Variants in ZNRF1 observed in about 807,000 individuals in gnomAD.
ZNRF1 encodes E3 ubiquitin-protein ligase ZNRF1.
Under a neutral mutation model 18.4 loss-of-function variants are expected in ZNRF1, and 3 were observed. The observed-to-expected ratio is 0.16, with a 90% confidence interval of 0.07 to 0.42. The LOEUF (loss-of-function observed/expected upper bound fraction) is 0.42. Ranked by LOEUF, ZNRF1 falls within the 10% of genes least tolerant of loss-of-function variation. ZNRF1 has a pLI of 0.99. For missense variants in ZNRF1, 310 were observed against 329.8 expected (o/e 0.94, Z 0.47); for synonymous variants, 157 against 144.2 (o/e 1.09, Z -0.64).
intron 1 of ZNRF1, among the ~76,000 whole-genome samples, chr16:75,056,569 T>C (rs1419200694): frequency 6.6e-6 from 1 of 152,168 alleles, no homozygotes; most frequent in Non-Finnish European, 1.5e-5. Context: ...TTCACAAGTA[T>C]CATGATGTGA....
intron 3 of ZNRF1, chr16:75,105,742 G>T (rs1251826641): frequency 6.6e-6 from 1 of 152,260 alleles, no homozygotes; most frequent in Non-Finnish European, 1.5e-5. Flanking sequence ...CCCTCGGGGA[G>T]AATTATGCCA....
At chr16:75,013,468 T>C (rs1185289483) in intron 1 of ZNRF1, among the ~76,000 whole-genome samples, 13 of 151,976 alleles carry the variant, frequency 8.6e-5, no homozygotes. Flanking sequence ...TGCCTCAGCC[T>C]CCCGAGTAGC....
intron 1 of ZNRF1, among the ~76,000 whole-genome samples, chr16:75,061,568 CGT>C (rs1295563460): frequency 1.3e-5 from 2 of 151,198 alleles, no homozygotes; most frequent in Non-Finnish European, 2.9e-5. Flanking sequence ...GGATCTCACT[CGT>C]TTTTATGGGT....
At chr16:75,030,672 A>C (rs1245619210) in intron 1 of ZNRF1, among the ~76,000 whole-genome samples, 1 of 152,092 alleles carries the variant, frequency 6.6e-6, no homozygotes, top group Non-Finnish European at 1.5e-5. Context: ...CCCCTACCCA[A>C]GACAACCACT....
intron 2 of ZNRF1, 52 bp from the exon 3 acceptor site, chr16:75,104,732 A>T: frequency 6.6e-7 from 1 of 1,512,058 alleles, no homozygotes; most frequent in Non-Finnish European, 9.0e-7. Flanking sequence ...GCCCCATGCC[A>T]CCTGTCCACT....
intron 1 of ZNRF1, among the ~76,000 whole-genome samples, chr16:75,047,428 G>A (rs115024901): frequency 2.9e-3 from 443 of 152,328 alleles, no homozygotes; most frequent in African/African-American, 0.01. Context: ...CCAGAGAGTC[G>A]GGATTACAAG....
At chr16:75,092,150 T>A (rs775782320) in intron 1 of ZNRF1, among the ~76,000 whole-genome samples, 25 of 151,850 alleles carry the variant, frequency 1.6e-4, no homozygotes, top group Middle Eastern at 3.2e-3. Flanking sequence ...AAGAAAAAAA[T>A]TTTTAATAAC....
intron 2 of ZNRF1, among the ~76,000 whole-genome samples, chr16:75,097,662 A>G (rs1444136392): frequency 2.0e-5 from 3 of 152,150 alleles, no homozygotes; most frequent in Admixed American, 1.3e-4. Context: ...TACTAAAAAC[A>G]AAAAATTTGT....
At chr16:75,015,523 C>T (rs1163123991) in intron 1 of ZNRF1, among the ~76,000 whole-genome samples, 1 of 152,068 alleles carries the variant, frequency 6.6e-6, no homozygotes, top group East Asian at 1.9e-4. Context: ...CGTGGTGAGC[C>T]GAGATTGCAC....
At chr16:75,095,492 A>C in intron 2 of ZNRF1, 1 of 1,247,386 alleles carries the variant, frequency 8.0e-7, no homozygotes, top group Non-Finnish European at 1.1e-6. Flanking sequence ...CCATGGCCTC[A>C]AAAACCCTAT....
chr16:75,068,385 AC>A (rs2035829521), intron 1 of ZNRF1, among the ~76,000 whole-genome samples: 1 of 151,334 alleles, frequency 6.6e-6, no homozygotes, highest in Non-Finnish European at 1.5e-5. Context: ...GAACCAGTTA[AC>A]CCTGGCCTGG....
chr16:75,019,703 T>TTTTTGTTTTGTTTTG (rs1300301077), intron 1 of ZNRF1, among the ~76,000 whole-genome samples: 1 of 152,056 alleles, frequency 6.6e-6, no homozygotes, highest in African/African-American at 2.4e-5. Context: ...CAACTTTTGA[T>TTTTTGTTTTGTTTTG]TTTTGTTTTG....
intron 4 of ZNRF1, 41 bp from the exon 5 acceptor site, chr16:75,107,692 C>G (rs763203936): frequency 3.1e-5 from 14 of 456,260 alleles, no homozygotes; most frequent in African/African-American, 2.0e-4. Flanking sequence ...AGACAGCCCT[C>G]GGCCCGATGG....
At position 75,108,257 on chromosome 16, in the gene ZNRF1, G is replaced by T; in HGVS notation, c.*557G>T. The T allele has an allele frequency of 4.1e-6, 1 of 244,748 alleles. No homozygotes were observed. The highest frequency in any genetic ancestry group is 7.8e-6 in the Non-Finnish European group (1 of 128,764). The allele number at this position is 244,748 out of a possible 1,614,324, so 15.2% of individuals were successfully genotyped here. On this transcript the variant is annotated 3_prime_UTR_variant, in exon 5 of 5. Coordinates refer to ENST00000335325, the MANE Select transcript of ZNRF1 (RefSeq NM_032268.5). ...CCTCTATTTTTCTGGCTGGTTTTTTGCTCTTTTCTCCCCTTGAGACCCTAA... is the reference window on the plus strand; with the variant it reads ...CCTCTATTTTTCTGGCTGGTTTTTTTCTCTTTTCTCCCCTTGAGACCCTAA...
intron 1 of ZNRF1, among the ~76,000 whole-genome samples, chr16:75,051,533 G>C (rs1219260222): frequency 1.3e-5 from 2 of 149,304 alleles, no homozygotes; most frequent in South Asian, 2.1e-4. Flanking sequence ...TTTTTTTTTG[G>C]GGGGGACGGA....
intron 1 of ZNRF1, among the ~76,000 whole-genome samples, chr16:75,071,290 G>C (rs969790937): frequency 6.6e-6 from 1 of 152,188 alleles, no homozygotes; most frequent in African/African-American, 2.4e-5. Context: ...AGTAGAGACA[G>C]GGTTTCGCCA....
chr16:74,999,928 C>G lies in ZNRF1; in HGVS notation c.257C>G (p.Pro86Arg). 6.4e-7 allele frequency: 1 copy of G among 1,561,284 alleles called. No individual in the cohort carries two copies. Among genetic ancestry groups the G allele is most frequent in the Non-Finnish European group, 8.7e-7 (1 of 1,154,660 alleles). ...SRGTGDSERA[P>R]GGGGSASDST... ...GGCACCGGCGACTCCGAGAGGGCGC[C>G]CGGCGGCGGAGGGTCTGCGTCCGAC... The change falls in exon 1 of 5, where the codon CCC becomes CGC. Residue 86 changes from proline (P) to arginine (R), a missense_variant. Physicochemically the swap from Pro to Arg is moderately radical, Grantham distance 103 (BLOSUM62 -2). This residue lies in a region of ZNRF1 where 293 missense variants were observed against 291.2 expected (regional missense o/e 1.01). Coordinates refer to ENST00000335325, the MANE Select transcript of ZNRF1 (RefSeq NM_032268.5).
chr16:75,009,933 T>C (rs2034972033), intron 1 of ZNRF1, among the ~76,000 whole-genome samples: 1 of 47,450 alleles, frequency 2.1e-5, no homozygotes, highest in Non-Finnish European at 6.3e-5. Flanking sequence ...CATTTGTATA[T>C]CTTTTTTGGA....
intron 1 of ZNRF1, among the ~76,000 whole-genome samples, chr16:75,027,015 C>A (rs1398469806): frequency 1.3e-5 from 2 of 152,184 alleles, no homozygotes; most frequent in Non-Finnish European, 2.9e-5. Flanking sequence ...TGAATCCTCA[C>A]CCCTTGAGGT....
Sources: gnomAD v4.1 joint callset for allele counts (sites outside exome capture counted in the v4.1 genomes callset) on GRCh38, gnomAD v4.1.1 for gene constraint, gnomAD v4.1.1 regional missense constraint, MANE v1.5 for transcripts, NCBI Gene and HGNC (gene_info 2026-07-23, HGNC 2026-07-21) for gene names.